CYSTM1: variants seen among roughly 807,000 people sequenced by gnomAD.
CYSTM1 encodes cysteine-rich transmembrane module-containing protein 1.
A neutral mutation model predicts 13.1 loss-of-function variants in CYSTM1; 4 were observed. That is an observed-to-expected ratio of 0.31 (90% CI 0.15 to 0.70). The LOEUF is 0.70. CYSTM1 is among the 30% of genes least tolerant of loss of function. CYSTM1 has a pLI of 0.72. For synonymous variants in CYSTM1, 36 were observed against 42.7 expected (o/e 0.84, Z 0.62); for missense variants, 96 against 121.6 (o/e 0.79, Z 0.99).
chr5:140,221,929 C>T (rs529405380), intron 2 of CYSTM1, among the ~76,000 whole-genome samples: 2 of 152,342 alleles, frequency 1.3e-5, no homozygotes, highest in Admixed American at 1.3e-4. Context: ...CCCGATATAT[C>T]CCCTTTCATT....
At chr5:140,187,322 C>G (rs368777927) in intron 1 of CYSTM1, among the ~76,000 whole-genome samples, 8 of 151,476 alleles carry the variant, frequency 5.3e-5, no homozygotes, top group East Asian at 1.9e-4. Context: ...AAAAAGACAC[C>G]GAGGTCTCTA....
rs1482576780 is a variant in CYSTM1, at chr5:140,230,858, A to G, written c.188-12447A>G. Among the ~76,000 whole-genome samples the G allele has an allele frequency of 1.3e-5, 2 of 152,246 alleles. No homozygotes were observed. Among genetic ancestry groups the G allele is most frequent in the Non-Finnish European group, 2.9e-5 (2 of 68,042 alleles). ...ACGAATTAGAATATGAGCTAGAATCAGGAATCTGGTGTGATGTGTACCCTC... is the reference window on the plus strand; with the variant it reads ...ACGAATTAGAATATGAGCTAGAATCGGGAATCTGGTGTGATGTGTACCCTC... On this transcript the variant is annotated intron_variant, in intron 2 of 2. Coordinates refer to ENST00000261811, the MANE Select transcript of CYSTM1 (RefSeq NM_032412.4). The surrounding 1 kb of genome is among the most constrained non-coding windows in gnomAD (Gnocchi z 4.1).
chr5:140,226,613 A>ATATATATATATAT (rs61099181), intron 2 of CYSTM1, among the ~76,000 whole-genome samples: 1,610 of 84,312 alleles, frequency 0.019, 41 homozygotes, highest in South Asian at 0.029. Context: ...TATATATATA[A>ATATATATATATAT]AAATTAGCCA....
At chr5:140,241,587 C>G (rs942267433) in intron 2 of CYSTM1, among the ~76,000 whole-genome samples, 1 of 152,188 alleles carries the variant, frequency 6.6e-6, no homozygotes, top group African/African-American at 2.4e-5. Context: ...CAGGGGCAGG[C>G]GAGCCAATCC....
chr5:140,240,545 T>A (rs561724981), intron 2 of CYSTM1, among the ~76,000 whole-genome samples: 1 of 150,788 alleles, frequency 6.6e-6, no homozygotes, highest in East Asian at 2.0e-4. Flanking sequence ...AGTGCACGAG[T>A]TCTCAGGCAG....
intron 1 of CYSTM1, among the ~76,000 whole-genome samples, chr5:140,187,171 CTTT>C (rs76385156): frequency 6.2e-5 from 9 of 145,930 alleles, no homozygotes; most frequent in East Asian, 3.9e-4. Flanking sequence ...AATTCTAAAA[CTTT>C]TTTTTTTTTT....
intron 2 of CYSTM1, among the ~76,000 whole-genome samples, chr5:140,234,606 GC>G (rs1764656957): frequency 1.3e-5 from 2 of 152,198 alleles, no homozygotes; most frequent in African/African-American, 4.8e-5. Context: ...CACAGTTAAA[GC>G]CCCTAGTGTA....
Position 140,219,409 on chromosome 5 carries a change from T to TA in CYSTM1, c.188-23895dup, listed in dbSNP as rs1336756285. 6.6e-6 allele frequency among the ~76,000 whole-genome samples: 1 copy of TA among 152,076 alleles called. No homozygotes were observed. Among genetic ancestry groups the TA allele is most frequent in the Admixed American group, 6.6e-5 (1 of 15,262 alleles). On this transcript the variant is annotated intron_variant, in intron 2 of 2. Transcript: ENST00000261811. The surrounding 1 kb of genome is among the most constrained non-coding windows in gnomAD (Gnocchi z 4.1). The stretch of plus-strand genomic sequence containing the variant: ...ATCGTGGGCAGTGTGCTGCAGGTAG[T>TA]AGAGGGGAGGGGTGGGAGACAGTCC...
chr5:140,214,409 A>G (rs1388135417), intron 2 of CYSTM1, among the ~76,000 whole-genome samples: 5 of 152,216 alleles, frequency 3.3e-5, no homozygotes, highest in African/African-American at 1.2e-4. Flanking sequence ...AGGAAAGACA[A>G]CTGCTCTTTG....
intron 2 of CYSTM1, among the ~76,000 whole-genome samples, chr5:140,211,697 A>G (rs1004176785): frequency 6.6e-6 from 1 of 152,206 alleles, no homozygotes; most frequent in African/African-American, 2.4e-5. Context: ...CTGTAATCCC[A>G]GCACTTTGGG....
intron 2 of CYSTM1, among the ~76,000 whole-genome samples, chr5:140,204,294 G>A (rs1219001244): frequency 6.6e-6 from 1 of 152,166 alleles, no homozygotes; most frequent in East Asian, 1.9e-4. Context: ...GATCACCTGA[G>A]TCCAGGAGTT....
chr5:140,226,460 C>G (rs1451632868), intron 2 of CYSTM1, among the ~76,000 whole-genome samples: 1 of 107,902 alleles, frequency 9.3e-6, no homozygotes, highest in African/African-American at 3.5e-5. Flanking sequence ...GAAAACCCGT[C>G]TCTATAAAAA....
intron 2 of CYSTM1, among the ~76,000 whole-genome samples, chr5:140,198,609 T>A (rs776800500): frequency 7.2e-5 from 11 of 152,226 alleles, no homozygotes; most frequent in Non-Finnish European, 1.3e-4. Context: ...TACCCCTTAT[T>A]CCAGTATTCA....
At chr5:140,216,781 C>T (rs1029410669) in intron 2 of CYSTM1, among the ~76,000 whole-genome samples, 1 of 152,040 alleles carries the variant, frequency 6.6e-6, no homozygotes, top group Non-Finnish European at 1.5e-5. Flanking sequence ...CTTGTGTAGC[C>T]AGGCTGGGAT....
rs141539532 is a variant in CYSTM1 at position 140,207,964 on chromosome 5, A to G, written c.187+13312A>G. On this transcript the variant is annotated intron_variant, in intron 2 of 2. Transcript: ENST00000261811. The stretch of plus-strand genomic sequence containing the variant: ...AACAAATGCTGGAGAGGTTGTGAAG[A>G]AAAGGGAACCCTTGTACACTGTTGG... Among the ~76,000 whole-genome samples the G allele has an allele frequency of 7.4e-4, 112 of 152,348 alleles. No homozygotes were observed. In the Middle Eastern group the frequency reaches 0.02, roughly 28 times the overall value.
At chr5:140,201,453 C>T (rs1325518746) in intron 2 of CYSTM1, 1 of 152,244 alleles carries the variant, frequency 6.6e-6, no homozygotes, top group Non-Finnish European at 1.5e-5. Flanking sequence ...TTACTTCCCA[C>T]CTCTCATTCC....
intron 2 of CYSTM1, among the ~76,000 whole-genome samples, chr5:140,223,807 G>A (rs956491510): frequency 2.0e-5 from 3 of 152,228 alleles, no homozygotes; most frequent in African/African-American, 7.2e-5. Context: ...CACTGGGGTA[G>A]GCAAGCCATT....
chr5:140,206,638 G>GTTTCTTTC (rs569673770), intron 2 of CYSTM1, among the ~76,000 whole-genome samples: 3 of 151,448 alleles, frequency 2.0e-5, no homozygotes, highest in African/African-American at 7.3e-5. Context: ...TTGTTTGTTT[G>GTTTCTTTC]TTTCTTTTTT....
chr5:140,193,746 A>G (rs2126657130), intron 1 of CYSTM1, among the ~76,000 whole-genome samples: 1 of 152,354 alleles, frequency 6.6e-6, no homozygotes, highest in African/African-American at 2.4e-5. Context: ...CATGGAGGAC[A>G]GGGTCCTGTA....
Sources: allele counts gnomAD v4.1 joint callset (sites outside exome capture counted in the v4.1 genomes callset), GRCh38; gene constraint gnomAD v4.1.1; non-coding constraint Gnocchi (gnomAD v3.1); transcripts MANE v1.5; gene names NCBI Gene and HGNC (gene_info 2026-07-23, HGNC 2026-07-21).